VWA5B1: variants seen among roughly 807,000 people sequenced by gnomAD.
The protein encoded by VWA5B1 is von Willebrand factor A domain containing 5B1, also known as von Willebrand factor A domain-containing protein 5B1.
In VWA5B1, 115 loss-of-function variants were observed where a neutral mutation model predicts 118.2. That is an observed-to-expected ratio of 0.97 (90% CI 0.84 to 1.14). The LOEUF (loss-of-function observed/expected upper bound fraction) is 1.14. Among genes scored for constraint, VWA5B1 ranks in the 50% most tolerant of loss-of-function variants. VWA5B1 has a pLI of 0.00. For missense variants in VWA5B1, 1,596 were observed against 1,603.8 expected (o/e 1.00, Z 0.08); for synonymous variants, 682 against 658.4 (o/e 1.04, Z -0.55).
intron 2 of VWA5B1, among the ~76,000 whole-genome samples, chr1:20,311,557 T>C (rs2088849341): frequency 6.6e-6 from 1 of 152,154 alleles, no homozygotes; most frequent in South Asian, 2.1e-4. Flanking sequence ...TGAACCACGG[T>C]CAGGGATGTG....
chr1:20,312,716 A>C, intron 2 of VWA5B1, 120 bp from the exon 3 acceptor site: 1 of 1,329,298 alleles, frequency 7.5e-7, no homozygotes, highest in African/African-American at 1.5e-5. Flanking sequence ...GCCTCTCGGC[A>C]TCCAATAAGC....
At chr1:20,339,867 T>A (rs1004600368) in intron 14 of VWA5B1, among the ~76,000 whole-genome samples, 4 of 152,294 alleles carry the variant, frequency 2.6e-5, no homozygotes, top group Non-Finnish European at 5.9e-5. Context: ...CTGCCTCATC[T>A]ACAAAATGGG....
intron 10 of VWA5B1, among the ~76,000 whole-genome samples, chr1:20,330,650 G>T (rs1472697124): frequency 6.6e-6 from 1 of 152,316 alleles, no homozygotes; most frequent in Non-Finnish European, 1.5e-5. Context: ...GGCTGCTCCC[G>T]CTCTGTGCTG....
rs1002274574 is a variant in VWA5B1 at position 20,342,520 on chromosome 1, G to A, written c.2222G>A (p.Cys741Tyr). ...ARRPSLLPQG[C>Y]QPFLPWGQET... ...AGGCCCTCTCTGCTGCCCCAAGGCT[G>A]CCAGCCCTTCCTGCCCTGGGGCCAG... The change falls in exon 15 of 22, where the codon TGC (cysteine) becomes TAC (tyrosine). Residue 741 changes from cysteine to tyrosine, a missense_variant. Physicochemically the swap from Cys to Tyr is radical, Grantham distance 194. Coordinates refer to ENST00000289815, the MANE Select transcript of VWA5B1 (RefSeq NM_001039500.3). 1.3e-6 allele frequency: 2 copies of A among 1,550,004 alleles called. No individual in the cohort carries two copies. The highest frequency in any genetic ancestry group is 1.7e-6 in the Non-Finnish European group (2 of 1,146,444).
Position 20,354,154 on chromosome 1 carries a change from G to T in VWA5B1, c.3539G>T (p.Arg1180Leu), listed in dbSNP as rs768841143. 62 of 1,551,246 alleles carry T rather than the reference G, an allele frequency of 4.0e-5. No homozygotes were observed. The highest frequency in any genetic ancestry group is 5.2e-6 in the Non-Finnish European group (6 of 1,146,996). Reference protein sequence around the residue: ...WLEQQEVPEGRTQGTLKAAAR... With the variant: ...WLEQQEVPEGLTQGTLKAAAR... ...GAGCAGCAGGAAGTACCCGAGGGCC[G>T]CACGCAGGGCACACTCAAGGCCGCT... Residue 1180 changes from arginine to leucine, a missense_variant, in exon 22 of 22, where the codon CGC (arginine) becomes CTC (leucine). Physicochemically the swap from Arg to Leu is moderately radical, Grantham distance 102. Coordinates refer to ENST00000289815, the MANE Select transcript of VWA5B1 (RefSeq NM_001039500.3).
At chr1:20,318,818 G>A in intron 6 of VWA5B1, 97 bp downstream of exon 6, 1 of 1,406,946 alleles carries the variant, frequency 7.1e-7, no homozygotes, top group Non-Finnish European at 9.3e-7. Context: ...CCAGCAGCTA[G>A]CTAGCCAGGG....
At chr1:20,351,146 C>T (rs2090121200) in intron 20 of VWA5B1, among the ~76,000 whole-genome samples, 1 of 152,240 alleles carries the variant, frequency 6.6e-6, no homozygotes, top group Non-Finnish European at 1.5e-5. Flanking sequence ...TCCAAGATCT[C>T]TTTCCAAATG....
At chr1:20,329,622 C>T (rs1028180003) in intron 9 of VWA5B1, among the ~76,000 whole-genome samples, 9 of 152,142 alleles carry the variant, frequency 5.9e-5, no homozygotes, top group African/African-American at 1.2e-4. Context: ...AAATAGCATC[C>T]CCCTGAGCCA....
At chr1:20,319,733 C>A (rs1220690442) in intron 7 of VWA5B1, among the ~76,000 whole-genome samples, 1 of 152,204 alleles carries the variant, frequency 6.6e-6, no homozygotes, top group African/African-American at 2.4e-5. Context: ...GCCAGATCAC[C>A]TTTCTCCAGG....
chr1:20,304,866 G>C (rs780302798), intron 1 of VWA5B1, among the ~76,000 whole-genome samples: 12 of 151,966 alleles, frequency 7.9e-5, no homozygotes, highest in Admixed American at 6.6e-5. Flanking sequence ...TCACCTCTTC[G>C]AGCCTTGGTA....
Position 20,350,869 on chromosome 1 carries a change from G to A in VWA5B1, c.2966G>A (p.Ser989Asn). The change falls in exon 20 of 22, where the codon AGC becomes AAC. Residue 989 changes from serine to asparagine, a missense_variant. Coordinates refer to ENST00000289815, the MANE Select transcript of VWA5B1 (RefSeq NM_001039500.3). Reference sequence around the variant, plus strand: ...TGTGGCTCTCCAGGTCCCCAGCGCAGCCTGGCTACAAATACTCTTTCTTCC... The same window carrying A: ...TGTGGCTCTCCAGGTCCCCAGCGCAACCTGGCTACAAATACTCTTTCTTCC... The part of the protein sequence containing the change: ...KHGASEGPQR[S>N]LATNTLSSMK... 6.4e-7 allele frequency: 1 copy of A among 1,551,874 alleles called. No individual in the cohort carries two copies. The highest frequency in any genetic ancestry group is 8.7e-7 in the Non-Finnish European group (1 of 1,147,032).
At chr1:20,349,603 G>A (rs1018098250) in intron 18 of VWA5B1, among the ~76,000 whole-genome samples, 2 of 151,628 alleles carry the variant, frequency 1.3e-5, no homozygotes, top group African/African-American at 2.4e-5. Context: ...GGCTGGTCGC[G>A]AACTCCTGAC....
At chr1:20,299,197 A>G (rs1403539049) in intron 1 of VWA5B1, among the ~76,000 whole-genome samples, 1 of 152,102 alleles carries the variant, frequency 6.6e-6, no homozygotes, top group Non-Finnish European at 1.5e-5. Context: ...CCTGGTTGGC[A>G]ATGGGAAACT....
rs535503972 is a variant in VWA5B1 at position 20,340,194 on chromosome 1, TGC to T, written c.2134-2233_2134-2232del. 7.1e-3 allele frequency among the ~76,000 whole-genome samples: 1,034 copies of T among 144,888 alleles called. 5 individuals are homozygous for T. Among genetic ancestry groups the T allele is most frequent in the Non-Finnish European group, 0.012 (760 of 64,982 alleles). ...CATGCACACGCAACACACTTATATG[TGC>T]GCGCACACACACACACACACACACT... On this transcript the variant is annotated intron_variant, in intron 14 of 21. Coordinates refer to ENST00000289815, the MANE Select transcript of VWA5B1 (RefSeq NM_001039500.3).
At chr1:20,321,015 G>A (rs541186057) in intron 7 of VWA5B1, among the ~76,000 whole-genome samples, 3 of 149,612 alleles carry the variant, frequency 2.0e-5, no homozygotes, top group Admixed American at 6.8e-5. Context: ...AGAGTGGGTG[G>A]GACAAGCTGT....
Position 20,357,334 on chromosome 1 carries a change from A to T in VWA5B1, c.*3071A>T, listed in dbSNP as rs920140701. 6.6e-6 allele frequency among the ~76,000 whole-genome samples: 1 copy of T among 152,230 alleles called. No homozygotes were observed. The highest frequency in any genetic ancestry group is 1.5e-5 in the Non-Finnish European group (1 of 68,052). On this transcript the variant is annotated 3_prime_UTR_variant, in exon 22 of 22. Transcript: ENST00000289815. ...ATTTCCAACCCTGTTCCTCACTTAG[A>T]TGAGACGTGAATAAGCAACCTATGA...
At chr1:20,328,370 C>T (rs1022493134) in intron 9 of VWA5B1, among the ~76,000 whole-genome samples, 12 of 152,168 alleles carry the variant, frequency 7.9e-5, no homozygotes, top group South Asian at 4.2e-4. Context: ...GCTAAGGAAG[C>T]GGCTGATAAG....
intron 12 of VWA5B1, among the ~76,000 whole-genome samples, chr1:20,333,211 T>C (rs958307469): frequency 6.6e-6 from 1 of 152,188 alleles, no homozygotes; most frequent in Non-Finnish European, 1.5e-5. Context: ...CTTGAAGAAC[T>C]TGTTTAAAAT....
In VWA5B1 at chr1:20,345,608, C is replaced by T. The variant is rs4655200; in HGVS notation, c.2764+15C>T. 0.33 allele frequency: 501,975 copies of T among 1,530,152 alleles called. 83,421 individuals carry two copies. Among genetic ancestry groups the T allele is most frequent in the East Asian group, 0.39 (15,913 of 40,446 alleles). 94.8% of individuals were successfully genotyped at this position (1,530,152 alleles called of 1,614,324 possible). A position where few individuals can be genotyped will look rare whatever the true frequency, so the allele number is the denominator to read the frequency against. The stretch of plus-strand genomic sequence containing the variant: ...CCCCAACTCTGGTAAGGCAGGCGAG[C>T]GGCCGGGGGCACTCCTGGGGGCCAA... On this transcript the variant is annotated intron_variant, in intron 17 of 21. Transcript: ENST00000289815.
Sources: allele counts gnomAD v4.1 joint callset (sites outside exome capture counted in the v4.1 genomes callset), GRCh38; gene constraint gnomAD v4.1.1; transcripts MANE v1.5; gene names NCBI Gene and HGNC (gene_info 2026-07-23, HGNC 2026-07-21).